Variants in DPP9 observed in about 807,000 individuals in gnomAD.
DPP9 encodes the protein dipeptidyl peptidase 9, also known as dipeptidyl peptidase IV-related protein-2.
DPP9 carries 50 observed loss-of-function variants against 110.7 expected under a neutral mutation model. The observed-to-expected ratio is 0.45, with a 90% CI of 0.36 to 0.57. The LOEUF is 0.57. DPP9 is among the 20% of genes least tolerant of loss of function. The pLI, the probability that DPP9 is intolerant of heterozygous loss-of-function variation, is 0.00. For missense variants in DPP9, 1,022 were observed against 1,217.9 expected (o/e 0.84, Z 2.39); for synonymous variants, 561 against 514.4 (o/e 1.09, Z -1.23).
rs2090067488 is a variant in DPP9 at position 4,682,659 on chromosome 19, C to A, written c.2474+37G>T. The A allele has an allele frequency of 1.9e-6, 3 of 1,600,620 alleles. No homozygotes were observed. The highest frequency in any genetic ancestry group is 2.3e-5 in the South Asian group (2 of 88,816). On this transcript the variant is annotated intron_variant, in intron 20 of 21. Coordinates refer to ENST00000262960, the MANE Select transcript of DPP9 (RefSeq NM_139159.5). This position sits in a 1 kb window ranked among gnomAD's most constrained non-coding sequence, Gnocchi z 7.1. ...AGCTGGTGCCGGGGTGCAGGAGAAGCCCCGGGGAGGAGCGCAGGGCAGGGC... is the reference window on the plus strand; with the variant it reads ...AGCTGGTGCCGGGGTGCAGGAGAAGACCCGGGGAGGAGCGCAGGGCAGGGC...
chr19:4,707,626 T>C (rs1406489356), intron 4 of DPP9, among the ~76,000 whole-genome samples: 4 of 141,612 alleles, frequency 2.8e-5, no homozygotes, highest in Non-Finnish European at 6.2e-5. Context: ...TTTTTTTTTT[T>C]TTTTTTTTTT....
intron 3 of DPP9, chr19:4,719,504 C>T: frequency 3.0e-6 from 1 of 338,030 alleles, no homozygotes; most frequent in Non-Finnish European, 5.6e-6. Context: ...AGTGATTCTG[C>T]CCCCAGCAAA....
rs2089595374 is a variant in DPP9, at chr19:4,680,049, G to A, written c.2475-103C>T. 6.6e-6 allele frequency: 5 copies of A among 754,036 alleles called. No homozygotes were observed. In the East Asian group the frequency reaches 1.1e-4, roughly 17 times the overall value. 46.7% of individuals were successfully genotyped at this position (754,036 alleles called of 1,614,324 possible). ...GTTTGAGACCAGCCTGGCCAACATG[G>A]TGAAACCCTGTCTCTACTAAAAATA... is the stretch of plus-strand genomic sequence containing the variant. On this transcript the variant is annotated intron_variant, in intron 20 of 21. Coordinates refer to ENST00000262960, the MANE Select transcript of DPP9 (RefSeq NM_139159.5).
In DPP9 at chr19:4,676,228, G is replaced by A. The variant is rs984545869; in HGVS notation, c.*336C>T. ...TGAGAGGTCACAGGGAGCCCCAGGC[G>A]GAAGGCAGCCCGCTCCTCTGAGTCT... On this transcript the variant is annotated 3_prime_UTR_variant, in exon 22 of 22. Transcript: ENST00000262960. The surrounding 1 kb of genome is among the most constrained non-coding windows in gnomAD (Gnocchi z 4.0). The A allele has an allele frequency of 1.4e-5, 4 of 294,438 alleles. No homozygotes were observed. The highest frequency in any genetic ancestry group is 4.4e-5 in the African/African-American group (2 of 45,974). 18.2% of individuals were successfully genotyped at this position (294,438 alleles called of 1,614,324 possible).
intron 4 of DPP9, among the ~76,000 whole-genome samples, chr19:4,709,786 A>T (rs560265971): frequency 1.3e-5 from 2 of 150,728 alleles, no homozygotes; most frequent in South Asian, 4.2e-4. Context: ...TGTGAATTAC[A>T]TCTCAATTTT....
chr19:4,707,978 G>T (rs1055349562), intron 4 of DPP9, among the ~76,000 whole-genome samples: 3 of 152,124 alleles, frequency 2.0e-5, no homozygotes, highest in Non-Finnish European at 4.4e-5. Flanking sequence ...CCGCCTCTGG[G>T]ATTAGTGCTT....
chr19:4,718,501 C>T lies in DPP9; in HGVS notation c.56+1350G>A, dbSNP rs1366276009. On this transcript the variant is annotated intron_variant, in intron 3 of 21. Transcript: ENST00000262960. The surrounding 1 kb of genome is among the most constrained non-coding windows in gnomAD (Gnocchi z 4.3). ...CTCAAGGTGGACTTTGGGCAGCCGG[C>T]CCAGGCCAGGCAAGTGCCCCTGCAA... is the stretch of plus-strand genomic sequence containing the variant. Among the ~76,000 whole-genome samples the T allele has an allele frequency of 6.6e-6, 1 of 152,206 alleles. No individual in the cohort carries two copies. Among genetic ancestry groups the T allele is most frequent in the African/African-American group, 2.4e-5 (1 of 41,452 alleles).
intron 21 of DPP9, 56 bp downstream of exon 21, chr19:4,679,779 C>A: frequency 4.3e-6 from 6 of 1,383,534 alleles, no homozygotes; most frequent in Non-Finnish European, 6.1e-6. Context: ...TCCCACCCCC[C>A]ACTCCCAGGG....
Position 4,704,213 on chromosome 19 carries a change from A to G in DPP9, c.518T>C (p.Phe173Ser). 1 of 1,613,928 alleles carries G rather than the reference A, an allele frequency of 6.2e-7. No individual in the cohort carries two copies. The highest frequency in any genetic ancestry group is 8.5e-7 in the Non-Finnish European group (1 of 1,179,876). The part of the protein sequence containing the change: ...LGVFGITSYD[F>S]HSESGLFLFQ... ...GAGGAAGAGGCCACTCTCGCTGTGGAAGTCGTAGGAGGTGATGCCGAAGAC... is the reference window on the plus strand; with the variant it reads ...GAGGAAGAGGCCACTCTCGCTGTGGGAGTCGTAGGAGGTGATGCCGAAGAC... The change falls in exon 6 of 22, where the codon TTC becomes TCC. Residue 173 changes from phenylalanine (F) to serine (S), a missense_variant. Around this residue, in one of 3 missense-constraint regions of DPP9, gnomAD observed 810 missense variants for 920.6 expected, o/e 0.88. Transcript: ENST00000262960. This position sits in a 1 kb window ranked among gnomAD's most constrained non-coding sequence, Gnocchi z 6.0.
At chr19:4,690,990 C>A in intron 13 of DPP9, 33 bp from the exon 14 acceptor site, 1 of 1,571,268 alleles carries the variant, frequency 6.4e-7, no homozygotes, top group Non-Finnish European at 8.7e-7. Context: ...GGTGAAGGGG[C>A]CTGGGAGGTG....
intron 15 of DPP9, 74 bp from the exon 16 acceptor site, chr19:4,688,966 C>T (rs1275026684): frequency 3.4e-6 from 5 of 1,465,950 alleles, no homozygotes; most frequent in Admixed American, 2.9e-5. Flanking sequence ...ACCGCAGATC[C>T]AGGGTAGCTT....
rs191757222 is a variant in DPP9 at position 4,712,461 on chromosome 19, T to G, written c.313+1620A>C. Among the ~76,000 whole-genome samples the G allele has an allele frequency of 2.6e-5, 4 of 152,048 alleles. No homozygotes were observed. In the East Asian group the frequency reaches 7.8e-4, roughly 29 times the overall value. On this transcript the variant is annotated intron_variant, in intron 4 of 21. Coordinates refer to ENST00000262960, the MANE Select transcript of DPP9 (RefSeq NM_139159.5). ...GCTACCTGGAGGGCTGAGGTTGGGA[T>G]GATCACCTGAGCCAGGGATTTCCAG...
At chr19:4,717,190 A>G (rs1391597494) in intron 3 of DPP9, among the ~76,000 whole-genome samples, 1 of 152,194 alleles carries the variant, frequency 6.6e-6, no homozygotes, top group Non-Finnish European at 1.5e-5. Context: ...TTGTTAGTTC[A>G]GCTCCTCCTG....
intron 4 of DPP9, among the ~76,000 whole-genome samples, chr19:4,711,511 G>A (rs368107075): frequency 6.6e-5 from 10 of 152,234 alleles, no homozygotes; most frequent in Middle Eastern, 3.4e-3. Context: ...GGTGGCTTAC[G>A]CCTGTAATCT....
chr19:4,719,883 G>T lies in DPP9; in HGVS notation c.24C>A (p.Arg8=), dbSNP rs1310071678. 1 of 1,551,756 alleles carries T rather than the reference G, an allele frequency of 6.4e-7. No homozygotes were observed. The highest frequency in any genetic ancestry group is 1.2e-5 in the South Asian group (1 of 84,066). Residue 8 remains arginine (R), a synonymous_variant, in exon 3 of 22, where the codon CGC becomes CGA. Coordinates refer to ENST00000262960, the MANE Select transcript of DPP9 (RefSeq NM_139159.5). The stretch of plus-strand genomic sequence containing the variant: ...AACTTCCGGTGTTCTCCTTGTCCAG[G>T]CGCAGTTTCTTAACCTTCCGCATTA... The part of the protein sequence containing the change: MRKVKKL[R]LDKENTGSWR...
chr19:4,678,259 T>C (rs145673188), intron 21 of DPP9, among the ~76,000 whole-genome samples: 2,975 of 152,214 alleles, frequency 0.02, 59 homozygotes, highest in African/African-American at 0.047. Flanking sequence ...ACTACAGGCG[T>C]GTGCCACCAC....
intron 13 of DPP9, among the ~76,000 whole-genome samples, chr19:4,692,468 G>A (rs942943833): frequency 6.6e-6 from 1 of 152,142 alleles, no homozygotes; most frequent in Non-Finnish European, 1.5e-5. Flanking sequence ...CCAAGACCCA[G>A]GCTCCTGCCC....
Position 4,676,719 on chromosome 19 carries a change from C to G in DPP9, c.2587-63G>C. The stretch of plus-strand genomic sequence containing the variant: ...CGGACCACCCCCGTGTCCTAGGCTC[C>G]TCCCTTATTCTGGCTCAGGGCATCC... On this transcript the variant is annotated intron_variant, in intron 21 of 21. Transcript: ENST00000262960. This position sits in a 1 kb window ranked among gnomAD's most constrained non-coding sequence, Gnocchi z 4.0. The G allele has an allele frequency of 7.2e-7, 1 of 1,386,908 alleles. No homozygotes were observed. The highest frequency in any genetic ancestry group is 1.0e-6 in the Non-Finnish European group (1 of 1,000,578). The allele number at this position is 1,386,908 out of a possible 1,614,324, so 85.9% of individuals were successfully genotyped here.
chr19:4,685,921 T>C lies in DPP9; in HGVS notation c.1886-150A>G. On this transcript the variant is annotated intron_variant, in intron 16 of 21. Coordinates refer to ENST00000262960, the MANE Select transcript of DPP9 (RefSeq NM_139159.5). The surrounding 1 kb of genome is among the most constrained non-coding windows in gnomAD (Gnocchi z 5.8). The stretch of plus-strand genomic sequence containing the variant: ...CGAGAGTTGATAATTGAAAAAAACG[T>C]TTTTTTTTCATTAAATAAGATTTGT... 1.2e-6 allele frequency: 1 copy of C among 837,498 alleles called. No homozygotes were observed. Among genetic ancestry groups the C allele is most frequent in the South Asian group, 1.9e-5 (1 of 53,690 alleles). 51.9% of individuals were successfully genotyped at this position (837,498 alleles called of 1,614,324 possible). A position where few individuals can be genotyped will look rare whatever the true frequency, so the allele number is the denominator to read the frequency against.
Sources: gnomAD v4.1 joint callset for allele counts (sites outside exome capture counted in the v4.1 genomes callset) on GRCh38, gnomAD v4.1.1 for gene constraint, gnomAD v4.1.1 regional missense constraint, Gnocchi (gnomAD v3.1) non-coding constraint, MANE v1.5 for transcripts, NCBI Gene and HGNC (gene_info 2026-07-23, HGNC 2026-07-21) for gene names.